CIZ1: variants seen among roughly 807,000 people sequenced by gnomAD.
CIZ1 encodes cip1-interacting zinc finger protein.
In CIZ1, 58 loss-of-function variants were observed where a neutral mutation model predicts 118.6. The observed-to-expected ratio is 0.49, with a 90% confidence interval of 0.40 to 0.61. CIZ1 has a LOEUF of 0.61. CIZ1 is among the 20% of genes least tolerant of loss of function. The pLI is 0.00. For missense variants in CIZ1, 921 were observed against 1,115.9 expected (o/e 0.83, Z 2.49); for synonymous variants, 448 against 443.4 (o/e 1.01, Z -0.13).
In CIZ1 at chr9:128,177,617, C is replaced by T. The variant is rs1214738240; in HGVS notation, c.1767G>A (p.Gln589=). 5 of 1,561,218 alleles carry T rather than the reference C, an allele frequency of 3.2e-6. No homozygotes were observed. The highest frequency in any genetic ancestry group is 3.5e-6 in the Non-Finnish European group (4 of 1,152,152). The part of the protein sequence containing the change: ...TPAATSTPSK[Q]ALQFFCYICK... Reference sequence around the variant, plus strand: ...AGATGTAGCAGAAGAACTGGAGGGCCTGCTTAGAGGGAGTGCTGGTAGCCG... The same window carrying T: ...AGATGTAGCAGAAGAACTGGAGGGCTTGCTTAGAGGGAGTGCTGGTAGCCG... The change falls in exon 10 of 17, where the codon CAG becomes CAA. Residue 589 remains glutamine (Q), a synonymous_variant. Transcript: ENST00000372938.
intron 11 of CIZ1, among the ~76,000 whole-genome samples, chr9:128,174,016 CA>C (rs372807194): frequency 1.4e-5 from 1 of 73,248 alleles, no homozygotes; most frequent in Non-Finnish European, 3.2e-5. Context: ...AAAAACAAAA[CA>C]AAAAAACAAA....
chr9:128,179,822 G>A (rs912011414), intron 7 of CIZ1, among the ~76,000 whole-genome samples: 8 of 151,942 alleles, frequency 5.3e-5, no homozygotes, highest in African/African-American at 7.3e-5. Flanking sequence ...ACAGACATGC[G>A]CCACCACACC....
upstream of CIZ1, among the ~76,000 whole-genome samples, chr9:128,192,958 C>T (rs966396406): frequency 2.6e-5 from 4 of 152,208 alleles, no homozygotes; most frequent in Admixed American, 6.5e-5. Flanking sequence ...CGCGCGGGGG[C>T]ACTGGCGGCG....
chr9:128,184,914 C>T (rs1832156520), intron 5 of CIZ1, among the ~76,000 whole-genome samples: 1 of 152,114 alleles, frequency 6.6e-6, no homozygotes. Context: ...AGGTGATCCA[C>T]CCACCATGGC....
chr9:128,185,362 G>T (rs1207190978), intron 5 of CIZ1, among the ~76,000 whole-genome samples, 185 bp downstream of exon 5: 2 of 152,174 alleles, frequency 1.3e-5, no homozygotes, highest in Non-Finnish European at 2.9e-5. Flanking sequence ...GTTGATAAAA[G>T]AATATTTGAA....
intron 11 of CIZ1, among the ~76,000 whole-genome samples, chr9:128,174,418 G>A (rs1377706581): frequency 6.6e-6 from 1 of 152,220 alleles, no homozygotes; most frequent in African/African-American, 2.4e-5. Flanking sequence ...CCACTGTAGT[G>A]AGAGATGGAG....
In CIZ1 at chr9:128,166,680, G is replaced by A; in HGVS notation, c.2487+79C>T. Reference sequence around the variant, plus strand: ...ATTGAGGCCCTGCACAAGAGGGAGTGGCCACTAGCCACCCGAATCAGCTTG... The same window carrying A: ...ATTGAGGCCCTGCACAAGAGGGAGTAGCCACTAGCCACCCGAATCAGCTTG... On this transcript the variant is annotated intron_variant, in intron 16 of 16. Coordinates refer to ENST00000372938, the MANE Select transcript of CIZ1 (RefSeq NM_001131016.2). This position sits in a 1 kb window ranked among gnomAD's most constrained non-coding sequence, Gnocchi z 4.4. 1 of 1,572,714 alleles carries A rather than the reference G, an allele frequency of 6.4e-7. No homozygotes were observed. Among genetic ancestry groups the A allele is most frequent in the South Asian group, 1.1e-5 (1 of 88,892 alleles).
rs752952495 is a variant in CIZ1 at position 128,166,723 on chromosome 9, T to G, written c.2487+36A>C. ...TCAGCTTGGATTAAGACTAAGTCTGTGGCCAGGGGAGGACAGGGCAGGATG... is the reference window on the plus strand; with the variant it reads ...TCAGCTTGGATTAAGACTAAGTCTGGGGCCAGGGGAGGACAGGGCAGGATG... On this transcript the variant is annotated intron_variant, in intron 16 of 16. Coordinates refer to ENST00000372938, the MANE Select transcript of CIZ1 (RefSeq NM_001131016.2). The surrounding 1 kb of genome is among the most constrained non-coding windows in gnomAD (Gnocchi z 4.4). The G allele has an allele frequency of 1.9e-6, 3 of 1,613,844 alleles. No homozygotes were observed. The highest frequency in any genetic ancestry group is 2.7e-5 in the African/African-American group (2 of 74,930).
At chr9:128,202,824 T>G (rs1037104808) in intron 1 of CIZ1, 2 of 152,250 alleles carry the variant, frequency 1.3e-5, no homozygotes, top group African/African-American at 2.4e-5. Flanking sequence ...GCCTTGGCTG[T>G]CTTATTCGTT....
upstream of CIZ1, among the ~76,000 whole-genome samples, chr9:128,192,112 G>C (rs1208903471): frequency 6.6e-6 from 1 of 152,102 alleles, no homozygotes; most frequent in African/African-American, 2.4e-5. Context: ...AATAGCCCTA[G>C]GGGCCGGGCG....
chr9:128,185,453 CT>C, intron 5 of CIZ1, 93 bp downstream of exon 5: 1 of 737,278 alleles, frequency 1.4e-6, no homozygotes, highest in Non-Finnish European at 2.2e-6. Flanking sequence ...GGAGTGTGAC[CT>C]GTCCGAAGGC....
chr9:128,185,465 C>A lies in CIZ1; in HGVS notation c.588+82G>T, dbSNP rs1832242408. ...AAGGGAGTGTGACCTGTCCGAAGGC[C>A]CAGACTGAGCCAGAGCAGGTGGCAC... is the stretch of plus-strand genomic sequence containing the variant. On this transcript the variant is annotated intron_variant, in intron 5 of 16. Coordinates refer to ENST00000372938, the MANE Select transcript of CIZ1 (RefSeq NM_001131016.2). 3 of 891,192 alleles carry A rather than the reference C, an allele frequency of 3.4e-6. No individual in the cohort carries two copies. In the East Asian group the frequency reaches 8.0e-5, roughly 24 times the overall value. 55.2% of individuals were successfully genotyped at this position (891,192 alleles called of 1,614,324 possible).
Position 128,203,707 on chromosome 9 carries a change from C to G in CIZ1, c.-6+479G>C. 2 of 1,323,928 alleles carry G rather than the reference C, an allele frequency of 1.5e-6. No homozygotes were observed. Among genetic ancestry groups the G allele is most frequent in the Non-Finnish European group, 1.9e-6 (2 of 1,034,196 alleles). The allele number at this position is 1,323,928 out of a possible 1,614,324, so 82.0% of individuals were successfully genotyped here. A position where few individuals can be genotyped will look rare whatever the true frequency, so the allele number is the denominator to read the frequency against. On this transcript the variant is annotated intron_variant, in intron 1 of 17. Coordinates refer to the CIZ1 transcript ENST00000372948. The surrounding 1 kb of genome is among the most constrained non-coding windows in gnomAD (Gnocchi z 5.3). ...GAGTCCCCGCCCGGGGCACTGACGG[C>G]GCGGCGACCTCGCAGCCCCCGACGC...
chr9:128,201,557 G>A (rs908404199), intron 1 of CIZ1, among the ~76,000 whole-genome samples: 1 of 152,214 alleles, frequency 6.6e-6, no homozygotes. Context: ...AGTCATCCAG[G>A]CTTCCATCTC....
chr9:128,188,351 T>C (rs1832703588), intron 3 of CIZ1, among the ~76,000 whole-genome samples: 1 of 152,024 alleles, frequency 6.6e-6, no homozygotes, highest in African/African-American at 2.4e-5. Flanking sequence ...AGAAAAAAAA[T>C]GGGATGAAAG....
intron 5 of CIZ1, among the ~76,000 whole-genome samples, chr9:128,184,194 C>T (rs146079294): frequency 6.6e-6 from 1 of 152,282 alleles, no homozygotes; most frequent in East Asian, 1.9e-4. Context: ...CCATGCTCTC[C>T]CACACAGTCA....
chr9:128,191,688 T>C (rs953293208), upstream of CIZ1: 4 of 1,289,194 alleles, frequency 3.1e-6, no homozygotes, highest in Non-Finnish European at 3.9e-6. The surrounding 1 kb of genome is among the most constrained non-coding windows in gnomAD (Gnocchi z 5.5). Flanking sequence ...GGGGGGCGGC[T>C]GCGGGGCGCT....
intron 1 of CIZ1, among the ~76,000 whole-genome samples, chr9:128,200,657 C>CA (rs71381745): frequency 0.5 from 67,245 of 133,428 alleles, 18,907 homozygotes; most frequent in South Asian, 0.66. Flanking sequence ...GACTCTGTCT[C>CA]AAAAAAAAAA....
chr9:128,184,552 G>A (rs1291842042), intron 5 of CIZ1, among the ~76,000 whole-genome samples: 1 of 143,152 alleles, frequency 7.0e-6, no homozygotes, highest in Non-Finnish European at 1.5e-5. Flanking sequence ...GAGTGCAGTA[G>A]TGTGATCATA....
Sources: gnomAD v4.1 joint callset for allele counts (sites outside exome capture counted in the v4.1 genomes callset) on GRCh38, gnomAD v4.1.1 for gene constraint, Gnocchi (gnomAD v3.1) non-coding constraint, MANE v1.5 for transcripts, NCBI Gene and HGNC (gene_info 2026-07-23, HGNC 2026-07-21) for gene names.